Variants in BABAM2 observed in about 807,000 individuals in gnomAD.
BABAM2 encodes BRISC and BRCA1 A complex member 2.
BABAM2 carries 31 observed loss-of-function variants against 54.7 expected under a neutral mutation model. The observed-to-expected ratio is 0.57, with a 90% CI of 0.43 to 0.77. The LOEUF (loss-of-function observed/expected upper bound fraction) is 0.77. Among genes scored for constraint, BABAM2 ranks in the 30% least tolerant of loss-of-function variants. BABAM2 has a pLI of 0.00. For synonymous variants in BABAM2, 167 were observed against 162.9 expected, an observed-to-expected ratio of 1.03 and a Z score of -0.19; for missense variants, 364 against 455.8, an observed-to-expected ratio of 0.80 and a Z score of 1.83.
chr2:27,941,208 A>T (rs1668849024), intron 3 of BABAM2, among the ~76,000 whole-genome samples: 1 of 152,212 alleles, frequency 6.6e-6, no homozygotes, highest in African/African-American at 2.4e-5. Context: ...GGTATCTATT[A>T]CCCTGTTTCA....
chr2:27,894,945 C>A, intron 2 of BABAM2: 1 of 394,828 alleles, frequency 2.5e-6, no homozygotes, highest in Non-Finnish European at 4.5e-6. Context: ...AAGAGCATGC[C>A]GTCAGAGTTT....
chr2:28,088,045 A>C (rs1318416657), intron 6 of BABAM2, among the ~76,000 whole-genome samples: 1 of 152,252 alleles, frequency 6.6e-6, no homozygotes. Flanking sequence ...AACTGAAAAT[A>C]GTCCACTACA....
chr2:28,288,140 GTAAAACCAGA>G (rs2148213984), intron 10 of BABAM2, among the ~76,000 whole-genome samples: 2 of 152,236 alleles, frequency 1.3e-5, no homozygotes, highest in Admixed American at 1.3e-4. Context: ...TTTGATGAGA[GTAAAACCAGA>G]TAAACCCAGA....
At chr2:28,168,149 G>A (rs566933885) in intron 7 of BABAM2, among the ~76,000 whole-genome samples, 27 of 152,152 alleles carry the variant, frequency 1.8e-4, no homozygotes, top group Non-Finnish European at 3.4e-4. Context: ...AGGTGTTCCC[G>A]TGGTCTAGAC....
At chr2:28,175,667 C>T (rs747427480) in intron 7 of BABAM2, among the ~76,000 whole-genome samples, 12 of 152,336 alleles carry the variant, frequency 7.9e-5, no homozygotes, top group East Asian at 1.9e-4. Context: ...CCACCACTGC[C>T]GTGGCCATCA....
At chr2:28,225,404 G>A (rs900766370) in intron 7 of BABAM2, among the ~76,000 whole-genome samples, 3 of 152,220 alleles carry the variant, frequency 2.0e-5, no homozygotes, top group Admixed American at 6.5e-5. Flanking sequence ...CATCAGAATC[G>A]AAAGGAGGAA....
intron 10 of BABAM2, among the ~76,000 whole-genome samples, chr2:28,257,896 G>T (rs975225728): frequency 6.6e-6 from 1 of 151,542 alleles, no homozygotes; most frequent in African/African-American, 2.4e-5. Context: ...AAGAAAAGAA[G>T]CCGGGCGTGG....
At chr2:28,162,921 G>T (rs1673240144) in intron 7 of BABAM2, among the ~76,000 whole-genome samples, 1 of 152,192 alleles carries the variant, frequency 6.6e-6, no homozygotes, top group South Asian at 2.1e-4. Context: ...TTAACTGCTA[G>T]ATGTCAGTTT....
chr2:28,173,265 C>G (rs889994458), intron 7 of BABAM2, among the ~76,000 whole-genome samples: 1 of 152,160 alleles, frequency 6.6e-6, no homozygotes, highest in Non-Finnish European at 1.5e-5. Context: ...TGATAAGACT[C>G]TAATTTACTT....
intron 10 of BABAM2, among the ~76,000 whole-genome samples, chr2:28,248,117 T>A (rs986417408): frequency 1.3e-5 from 2 of 152,112 alleles, no homozygotes; most frequent in African/African-American, 2.4e-5. Context: ...TCATAGCAGT[T>A]GTATAGGCAA....
intron 11 of BABAM2, among the ~76,000 whole-genome samples, chr2:28,335,528 G>A (rs974298827): frequency 1.3e-5 from 2 of 152,156 alleles, no homozygotes; most frequent in African/African-American, 4.8e-5. Context: ...TTGCAAGCTC[G>A]TGGTCATCAT....
rs781251587 is a variant in BABAM2, at chr2:28,241,357, G to T, written c.815G>T (p.Arg272Ile). The part of the protein sequence containing the change: ...QYVIQGYHKR[R>I]EYIAAFLSHF... ...GTGATTCAAGGGTATCACAAAAGAA[G>T]AGAGTATATTGCTGCTTTTCTCAGT... The change falls in exon 9 of 12, where the codon AGA becomes ATA. Residue 272 changes from arginine to isoleucine, a missense_variant. By Grantham distance (97) the Arg-to-Ile change is moderately conservative. Transcript: ENST00000379624. 1 of 1,614,144 alleles carries T rather than the reference G, an allele frequency of 6.2e-7. No individual in the cohort carries two copies. The highest frequency in any genetic ancestry group is 1.1e-5 in the South Asian group (1 of 91,082).
chr2:27,908,816 T>C (rs1360744640), intron 2 of BABAM2, among the ~76,000 whole-genome samples: 2 of 152,224 alleles, frequency 1.3e-5, no homozygotes, highest in Non-Finnish European at 2.9e-5. Flanking sequence ...TGTGCTATAC[T>C]GTTGTCCACA....
intron 6 of BABAM2, among the ~76,000 whole-genome samples, chr2:28,064,807 G>A (rs1200739748): frequency 6.6e-6 from 1 of 152,088 alleles, no homozygotes; most frequent in Non-Finnish European, 1.5e-5. Flanking sequence ...TTCAAGATCA[G>A]CCTGGCCAAC....
chr2:28,197,148 T>C (rs1677685793), intron 7 of BABAM2, among the ~76,000 whole-genome samples: 1 of 152,020 alleles, frequency 6.6e-6, no homozygotes, highest in South Asian at 2.1e-4. Flanking sequence ...CCACCACACC[T>C]GGCCAAGACC....
chr2:27,987,287 C>T (rs1672463335), intron 3 of BABAM2, among the ~76,000 whole-genome samples: 1 of 152,124 alleles, frequency 6.6e-6, no homozygotes, highest in Non-Finnish European at 1.5e-5. Flanking sequence ...TTCCATTATA[C>T]AAAAGTATGT....
chr2:28,021,936 A>C (rs1046163304), intron 4 of BABAM2, among the ~76,000 whole-genome samples: 2 of 152,154 alleles, frequency 1.3e-5, no homozygotes, highest in African/African-American at 4.8e-5. Context: ...GCATGTCTAA[A>C]TTTGTGGCAC....
At chr2:28,025,592 G>A (rs1675595562) in intron 5 of BABAM2, 172 bp downstream of exon 5, 2 of 604,530 alleles carry the variant, frequency 3.3e-6, no homozygotes, top group African/African-American at 1.9e-5. Context: ...CTAGTTCATT[G>A]TGTTTCTCAA....
upstream of BABAM2, chr2:27,890,452 A>C: frequency 1.8e-6 from 2 of 1,113,062 alleles, no homozygotes; most frequent in Non-Finnish European, 2.6e-6. The surrounding 1 kb of genome is among the most constrained non-coding windows in gnomAD (Gnocchi z 4.8). Flanking sequence ...GGCCTTTCAG[A>C]CGCCTACGCG....
Sources: gnomAD v4.1 joint callset for allele counts (sites outside exome capture counted in the v4.1 genomes callset) on GRCh38, gnomAD v4.1.1 for gene constraint, Gnocchi (gnomAD v3.1) non-coding constraint, MANE v1.5 for transcripts, NCBI Gene and HGNC (gene_info 2026-07-23, HGNC 2026-07-21) for gene names.